KDM5A: variants seen among roughly 807,000 people sequenced by gnomAD.
KDM5A encodes lysine-specific demethylase 5A.
Under a neutral mutation model 193.5 loss-of-function variants are expected in KDM5A, and 42 were observed. That is an observed-to-expected ratio of 0.22 (90% CI 0.17 to 0.28). The LOEUF (loss-of-function observed/expected upper bound fraction) is 0.28, where lower values mean the gene tolerates loss of function less well. Ranked by LOEUF, KDM5A falls within the 10% of genes least tolerant of loss-of-function variation. The probability of loss-of-function intolerance (pLI) is 1.00; values close to 1 mark genes in which losing one functional copy is unlikely to be tolerated. For missense variants in KDM5A, 1,692 were observed against 2,055.1 expected (o/e 0.82, Z 3.42); for synonymous variants, 796 against 718.1 (o/e 1.11, Z -1.73).
At chr12:373,875 T>C (rs1274554591) in intron 3 of KDM5A, among the ~76,000 whole-genome samples, 1 of 152,220 alleles carries the variant, frequency 6.6e-6, no homozygotes, top group Non-Finnish European at 1.5e-5. Flanking sequence ...TCAGTTTCCA[T>C]GTAGTTGAGT....
chr12:311,130 A>T (rs1943580514), intron 20 of KDM5A, 66 bp from the exon 21 acceptor site: 1 of 1,410,608 alleles, frequency 7.1e-7, no homozygotes, highest in Non-Finnish European at 1.0e-6. Flanking sequence ...ATACTGTTGA[A>T]AGACCTTACA....
chr12:372,234 TG>T (rs1310295319), intron 3 of KDM5A, among the ~76,000 whole-genome samples: 1 of 152,246 alleles, frequency 6.6e-6, no homozygotes, highest in Non-Finnish European at 1.5e-5. Context: ...TCCATGAGCA[TG>T]GAATATTCTT....
chr12:294,582 A>C (rs1943345645), intron 26 of KDM5A, among the ~76,000 whole-genome samples: 1 of 152,278 alleles, frequency 6.6e-6, no homozygotes, highest in African/African-American at 2.4e-5. Context: ...AACACTATCT[A>C]AATTAGGCTA....
intron 22 of KDM5A, among the ~76,000 whole-genome samples, chr12:308,562 CG>C (rs1943543043): frequency 6.6e-6 from 1 of 152,074 alleles, no homozygotes; most frequent in African/African-American, 2.4e-5. Flanking sequence ...CAAAACTTGA[CG>C]ATCAGTTGTA....
Position 356,420 on chromosome 12 carries a change from A to C in KDM5A, c.778+12T>G. The C allele has an allele frequency of 6.5e-7, 1 of 1,532,492 alleles. No homozygotes were observed. Among genetic ancestry groups the C allele is most frequent in the South Asian group, 1.1e-5 (1 of 89,280 alleles). The allele number at this position is 1,532,492 out of a possible 1,614,324, so 94.9% of individuals were successfully genotyped here. Reference sequence around the variant, plus strand: ...ACCTTATCTCTTTTCATGATCAAACAACAAATTTTACCTTCTTTATCTTTT... The same window carrying C: ...ACCTTATCTCTTTTCATGATCAAACCACAAATTTTACCTTCTTTATCTTTT... On this transcript the variant is annotated intron_variant, in intron 6 of 27. Transcript: ENST00000399788.
chr12:285,537 T>C lies in KDM5A; in HGVS notation c.4992A>G (p.Pro1664=). Residue 1664 remains proline, a synonymous_variant, in exon 28 of 28, where the codon CCA becomes CCG. Coordinates refer to ENST00000399788, the MANE Select transcript of KDM5A (RefSeq NM_001042603.3). ...ICINCAKKQG[P]VSPGPAPPPS... ...GAGGTGGTGCTGGACCTGGGCTAAC[T>C]GGCCCCTGCTTCTTTGCACAGTTTA... is the stretch of plus-strand genomic sequence containing the variant. 6 of 1,614,084 alleles carry C rather than the reference T, an allele frequency of 3.7e-6. No homozygotes were observed. The highest frequency in any genetic ancestry group is 1.7e-4 in the Middle Eastern group (1 of 6,058).
At chr12:365,822 C>A in intron 4 of KDM5A, 112 bp downstream of exon 4, 1 of 917,530 alleles carries the variant, frequency 1.1e-6, no homozygotes, top group South Asian at 1.3e-5. Context: ...ATGATATACA[C>A]TTTGCTTCCC....
intron 8 of KDM5A, 84 bp downstream of exon 8, chr12:353,992 T>C: frequency 9.7e-7 from 1 of 1,035,820 alleles, no homozygotes; most frequent in East Asian, 2.5e-5. Context: ...AGGAAACATA[T>C]TTGGGAATAT....
intron 3 of KDM5A, among the ~76,000 whole-genome samples, chr12:368,362 A>C (rs769424793): frequency 2.6e-5 from 4 of 152,184 alleles, no homozygotes; most frequent in South Asian, 2.1e-4. Flanking sequence ...CTACATATAC[A>C]ATTTTTTAAA....
intron 21 of KDM5A, 63 bp from the exon 22 acceptor site, chr12:310,027 A>ACGCCTG: frequency 4.5e-6 from 7 of 1,543,020 alleles, no homozygotes; most frequent in Non-Finnish European, 6.2e-6. Flanking sequence ...AGTAAAAATA[A>ACGCCTG]TAAAGGAACC....
intron 3 of KDM5A, among the ~76,000 whole-genome samples, chr12:375,509 G>C (rs540849371): frequency 6.6e-6 from 1 of 152,292 alleles, no homozygotes; most frequent in East Asian, 1.9e-4. Flanking sequence ...GCTTCTTTGC[G>C]ATGGGTTCGA....
chr12:332,356 T>A (rs1175153279), intron 12 of KDM5A, among the ~76,000 whole-genome samples: 1 of 152,224 alleles, frequency 6.6e-6, no homozygotes. Flanking sequence ...ACATCCCCAA[T>A]GAGATGTCCC....
chr12:340,458 G>C (rs1181225964), intron 10 of KDM5A, among the ~76,000 whole-genome samples: 4 of 152,096 alleles, frequency 2.6e-5, no homozygotes, highest in Non-Finnish European at 5.9e-5. Flanking sequence ...CACTTTGGGA[G>C]GCCAAGGCGG....
chr12:287,415 G>C (rs1009901316), intron 27 of KDM5A, among the ~76,000 whole-genome samples: 1 of 150,794 alleles, frequency 6.6e-6, no homozygotes, highest in Admixed American at 6.6e-5. Context: ...TTTTTGTTCT[G>C]TAATTGATTG....
intron 11 of KDM5A, among the ~76,000 whole-genome samples, chr12:333,889 T>A (rs965548797): frequency 6.6e-6 from 1 of 152,158 alleles, no homozygotes; most frequent in Non-Finnish European, 1.5e-5. Context: ...ACTCAGCACA[T>A]GAACTCTGTA....
rs149069254 is a variant in KDM5A, at chr12:351,875, G to A, written c.1149+330C>T. On this transcript the variant is annotated intron_variant, in intron 9 of 27. Transcript: ENST00000399788. ...TCCCAGAACTTTGGGAGGCCGAGGC[G>A]AGTGGATAACCTGAGGTCAGGAGTT... Among the ~76,000 whole-genome samples the A allele has an allele frequency of 2.9e-3, 439 of 152,046 alleles. 13 individuals carry two copies. In the East Asian group the frequency reaches 0.066, roughly 23 times the overall value.
intron 19 of KDM5A, among the ~76,000 whole-genome samples, chr12:315,077 A>C (rs771808078): frequency 4.6e-5 from 7 of 152,190 alleles, no homozygotes; most frequent in Non-Finnish European, 1.0e-4. Context: ...GTAAGACCAG[A>C]CATTCTAGGC....
chr12:320,968 A>C, intron 18 of KDM5A, 27 bp downstream of exon 18: 1 of 1,438,540 alleles, frequency 7.0e-7, no homozygotes, highest in Non-Finnish European at 9.8e-7. Context: ...AAAGGACATT[A>C]CCCAAAAAAA....
intron 10 of KDM5A, among the ~76,000 whole-genome samples, chr12:337,585 G>A (rs188455671): frequency 4.6e-4 from 70 of 151,848 alleles, no homozygotes; most frequent in African/African-American, 1.6e-3. Flanking sequence ...ATATTCAAAA[G>A]GGAAACATAA....
Sources: gnomAD v4.1 joint callset for allele counts (sites outside exome capture counted in the v4.1 genomes callset) on GRCh38, gnomAD v4.1.1 for gene constraint, MANE v1.5 for transcripts, NCBI Gene and HGNC (gene_info 2026-07-23, HGNC 2026-07-21) for gene names.